Variants in PRKAR1A observed in about 807,000 individuals in gnomAD.
PRKAR1A encodes the protein protein kinase cAMP-dependent type I regulatory subunit alpha.
In PRKAR1A, 3 loss-of-function variants were observed where a neutral mutation model predicts 52.0. The observed-to-expected ratio is 0.06, with a 90% CI of 0.03 to 0.15. The LOEUF (loss-of-function observed/expected upper bound fraction) is 0.15. PRKAR1A is among the 10% of genes least tolerant of loss of function. The pLI is 1.00. For missense variants in PRKAR1A, 240 were observed against 477.4 expected (o/e 0.50, Z 4.63); for synonymous variants, 188 against 168.4 (o/e 1.12, Z -0.90).
Position 68,527,824 on chromosome 17 carries a change from T to A in PRKAR1A, c.709-16T>A. 6.3e-7 allele frequency: 1 copy of A among 1,596,488 alleles called. No homozygotes were observed. Among genetic ancestry groups the A allele is most frequent in the Non-Finnish European group, 8.6e-7 (1 of 1,164,708 alleles). ...ACACGTCTTGGGGATATCACTTTTGTTATTTTTATTTTTAGGGAAGCACAC... is the reference window on the plus strand; with the variant it reads ...ACACGTCTTGGGGATATCACTTTTGATATTTTTATTTTTAGGGAAGCACAC... On this transcript the variant is annotated splice_polypyrimidine_tract_variant and intron_variant, in intron 7 of 10. Coordinates refer to ENST00000589228, the MANE Select transcript of PRKAR1A (RefSeq NM_002734.5).
At position 68,541,681 on chromosome 17, in the gene PRKAR1A, G is replaced by C. The variant is rs78329080; in HGVS notation, c.974-9403G>C. The C allele has an allele frequency of 9.3e-4, 269 of 289,120 alleles. 1 individual carries two copies. Among genetic ancestry groups the C allele is most frequent in the African/African-American group, 5.3e-3 (247 of 46,772 alleles). 17.9% of individuals were successfully genotyped at this position (289,120 alleles called of 1,614,324 possible). A position where few individuals can be genotyped will look rare whatever the true frequency, so the allele number is the denominator to read the frequency against. ...AGCAAGTGCTGTGCTGTGTTTTCGT[G>C]ATCTGGCTACATGTCTGTTCTCCCC... On this transcript the variant is annotated intron_variant, in intron 11 of 11. Coordinates refer to the PRKAR1A transcript ENST00000585981.
At chr17:68,507,811 G>C (rs549692122), upstream of PRKAR1A, among the ~76,000 whole-genome samples, 2 of 152,110 alleles carry the variant, frequency 1.3e-5, no homozygotes, top group Non-Finnish European at 2.9e-5. Context: ...AGGCCTAGGA[G>C]ATTAGTATTC....
chr17:68,505,256 A>C, the PRKAR1A span, among the ~76,000 whole-genome samples: 2 of 152,116 alleles, frequency 1.3e-5, no homozygotes, highest in African/African-American at 4.8e-5. Context: ...ATGCCACTGC[A>C]CTCCAGCTTA....
At position 68,531,383 on chromosome 17, in the gene PRKAR1A, C is replaced by T; in HGVS notation, c.*934C>T. On this transcript the variant is annotated 3_prime_UTR_variant, in exon 11 of 11. Transcript: ENST00000589228. ...TCTCCTCTGCTCATTAAACTGATTC[C>T]AGGAGATTGGATTTGCTGTGACTAG... The T allele has an allele frequency of 8.4e-6, 9 of 1,065,636 alleles. No individual in the cohort carries two copies. Among genetic ancestry groups the T allele is most frequent in the Non-Finnish European group, 1.0e-5 (9 of 879,406 alleles). 66.0% of individuals were successfully genotyped at this position (1,065,636 alleles called of 1,614,324 possible).
the PRKAR1A span, among the ~76,000 whole-genome samples, chr17:68,466,534 C>T: frequency 1.3e-5 from 2 of 150,666 alleles, no homozygotes; most frequent in African/African-American, 4.9e-5. Flanking sequence ...GCCTCGGCCT[C>T]CCGAGTAGCT....
the PRKAR1A span, among the ~76,000 whole-genome samples, chr17:68,426,934 G>A: frequency 6.6e-6 from 1 of 152,156 alleles, no homozygotes; most frequent in Non-Finnish European, 1.5e-5. Flanking sequence ...AGGTTTAAAG[G>A]CTATTACCAT....
the PRKAR1A span, among the ~76,000 whole-genome samples, chr17:68,472,916 G>T: frequency 4.6e-5 from 7 of 151,996 alleles, no homozygotes; most frequent in African/African-American, 1.7e-4. Context: ...CTGTACAACA[G>T]CCTGGGTGAC....
chr17:68,466,079 C>A, the PRKAR1A span, among the ~76,000 whole-genome samples: 1 of 152,076 alleles, frequency 6.6e-6, no homozygotes, highest in African/African-American at 2.4e-5. Flanking sequence ...CTGACTTCTG[C>A]GTGCAAATGG....
the PRKAR1A span, among the ~76,000 whole-genome samples, chr17:68,472,872 G>C: frequency 6.6e-6 from 1 of 152,028 alleles, no homozygotes; most frequent in Admixed American, 6.5e-5. Context: ...TTCAACCCGG[G>C]AGGCGGAGGT....
chr17:68,537,638 C>T (rs1600511859), downstream of PRKAR1A: 1 of 1,613,758 alleles, frequency 6.2e-7, no homozygotes, highest in Non-Finnish European at 8.5e-7. This position sits in a 1 kb window ranked among gnomAD's most constrained non-coding sequence, Gnocchi z 4.2. Context: ...TCAGTGAGGA[C>T]AGGGCTGAGC....
chr17:68,515,373 G>A (rs775915029), intron 1 of PRKAR1A, 21 bp from the exon 2 acceptor site: 10 of 1,612,178 alleles, frequency 6.2e-6, no homozygotes, highest in Middle Eastern at 2.1e-4. Flanking sequence ...ATACAAGCAT[G>A]TGTGTGTTTT....
the PRKAR1A span, among the ~76,000 whole-genome samples, chr17:68,501,462 C>T: frequency 6.6e-6 from 1 of 152,234 alleles, no homozygotes; most frequent in South Asian, 2.1e-4. Flanking sequence ...AGCATTCTCT[C>T]TCTCTCTTTT....
chr17:68,523,712 A>G lies in PRKAR1A; in HGVS notation c.349-13A>G. The G allele has an allele frequency of 6.3e-7, 1 of 1,593,740 alleles. No homozygotes were observed. The highest frequency in any genetic ancestry group is 1.4e-5 in the African/African-American group (1 of 72,048). ...TTTATGGAATTGTCATTTGACCTTC[A>G]GTTCTTTTCTAGGTTATACCAAAAG... On this transcript the variant is annotated splice_polypyrimidine_tract_variant and intron_variant, in intron 3 of 10. Transcript: ENST00000589228.
chr17:68,536,720 C>T (rs2086106946), downstream of PRKAR1A: 2 of 453,930 alleles, frequency 4.4e-6, no homozygotes, highest in Non-Finnish European at 8.8e-6. Flanking sequence ...CCATCCTGAC[C>T]TTGGAGGACT....
the PRKAR1A span, among the ~76,000 whole-genome samples, chr17:68,466,409 CTTTTTT>C: frequency 7.5e-3 from 883 of 118,372 alleles, 11 homozygotes; most frequent in African/African-American, 0.029. Flanking sequence ...TTTTCTCTCT[CTTTTTT>C]TTTTTTTTTT....
At chr17:68,436,564 C>A in the PRKAR1A span, 2 of 1,244,414 alleles carry the variant, frequency 1.6e-6, no homozygotes, top group Non-Finnish European at 2.3e-6. Flanking sequence ...AACAGTACAG[C>A]TACAGTGCCA....
chr17:68,493,920 C>T, the PRKAR1A span, among the ~76,000 whole-genome samples: 1 of 152,090 alleles, frequency 6.6e-6, no homozygotes, highest in Non-Finnish European at 1.5e-5. Flanking sequence ...GTATCTATTT[C>T]CTACTTAAAG....
chr17:68,523,571 A>C (rs2085684653), intron 3 of PRKAR1A, 154 bp from the exon 4 acceptor site: 2 of 671,944 alleles, frequency 3.0e-6, no homozygotes, highest in Non-Finnish European at 5.4e-6. Flanking sequence ...TAGTTTATGG[A>C]TCAAAGATAG....
chr17:68,451,793 C>T, the PRKAR1A span, among the ~76,000 whole-genome samples: 8 of 152,048 alleles, frequency 5.3e-5, no homozygotes, highest in Non-Finnish European at 8.8e-5. Context: ...AGTATTATGA[C>T]GAGGAAAGTA....
Sources: gnomAD v4.1 joint callset for allele counts (sites outside exome capture counted in the v4.1 genomes callset) on GRCh38, gnomAD v4.1.1 for gene constraint, Gnocchi (gnomAD v3.1) non-coding constraint, MANE v1.5 for transcripts, NCBI Gene and HGNC (gene_info 2026-07-23, HGNC 2026-07-21) for gene names.